Variants in SLC39A11 observed in about 807,000 individuals in gnomAD.
SLC39A11 encodes the protein solute carrier family 39 member 11.
Under a neutral mutation model 36.1 loss-of-function variants are expected in SLC39A11, and 33 were observed. The observed-to-expected ratio is 0.91, with a 90% confidence interval of 0.69 to 1.22. SLC39A11 has a LOEUF of 1.22. SLC39A11 is among the 50% of genes most tolerant of loss of function. The probability of loss-of-function intolerance (pLI) is 0.00; values close to 1 mark genes in which losing one functional copy is unlikely to be tolerated. For missense variants in SLC39A11, 432 were observed against 430.3 expected, an observed-to-expected ratio of 1.00 and a Z score of -0.03; for synonymous variants, 166 against 170.3, an observed-to-expected ratio of 0.97 and a Z score of 0.20.
chr17:72,837,933 C>G, intron 6 of SLC39A11: 1 of 1,229,036 alleles, frequency 8.1e-7, no homozygotes, highest in Non-Finnish European at 1.0e-6. Context: ...TCTTTTTTTC[C>G]TCAGAGGTAC....
chr17:72,805,882 G>T (rs144790654), intron 6 of SLC39A11, among the ~76,000 whole-genome samples: 5,785 of 151,818 alleles, frequency 0.038, 331 homozygotes, highest in African/African-American at 0.13. Flanking sequence ...CTAAGTATCT[G>T]GGACTACAGG....
At chr17:73,019,341 C>T (rs1427626315) in intron 4 of SLC39A11, among the ~76,000 whole-genome samples, 2 of 151,920 alleles carry the variant, frequency 1.3e-5, no homozygotes, top group African/African-American at 2.4e-5. Flanking sequence ...TAAAGACAAC[C>T]GATTGTTAAA....
chr17:72,995,258 T>C (rs192358459), intron 4 of SLC39A11, among the ~76,000 whole-genome samples: 15 of 152,266 alleles, frequency 9.9e-5, no homozygotes, highest in East Asian at 3.9e-4. Context: ...TTCATCCAAA[T>C]AGATGTGCAA....
intron 6 of SLC39A11, among the ~76,000 whole-genome samples, chr17:72,800,726 A>T (rs2077056785): frequency 6.6e-6 from 1 of 152,176 alleles, no homozygotes. Context: ...TAAACTAAGG[A>T]GAGAGGCAGA....
intron 3 of SLC39A11, among the ~76,000 whole-genome samples, chr17:73,059,282 T>G (rs1286481427): frequency 6.6e-6 from 1 of 152,242 alleles, no homozygotes; most frequent in African/African-American, 2.4e-5. Context: ...TGTTAGTATA[T>G]AACAGTTTAA....
intron 6 of SLC39A11, among the ~76,000 whole-genome samples, chr17:72,814,787 T>C (rs1046264421): frequency 5.9e-5 from 9 of 152,240 alleles, no homozygotes; most frequent in African/African-American, 2.2e-4. Flanking sequence ...TGCCCATCCC[T>C]GTGTATATTT....
chr17:72,891,951 C>T (rs2081766717), intron 5 of SLC39A11, among the ~76,000 whole-genome samples: 1 of 152,116 alleles, frequency 6.6e-6, no homozygotes, highest in South Asian at 2.1e-4. Context: ...GCCTCAGGGC[C>T]TAGCACAGTG....
At chr17:72,906,438 C>T (rs144564734) in intron 5 of SLC39A11, among the ~76,000 whole-genome samples, 51 of 152,216 alleles carry the variant, frequency 3.4e-4, no homozygotes, top group Non-Finnish European at 2.4e-4. Flanking sequence ...AAAACCAGAA[C>T]GGGGCTTGGC....
At chr17:73,074,065 G>A (rs1248591240) in intron 3 of SLC39A11, among the ~76,000 whole-genome samples, 1 of 150,962 alleles carries the variant, frequency 6.6e-6, no homozygotes, top group Non-Finnish European at 1.5e-5. Context: ...AAAAAAGGTA[G>A]CAGCAATTAT....
At chr17:72,759,985 T>C (rs1020470635) in intron 6 of SLC39A11, among the ~76,000 whole-genome samples, 1 of 152,116 alleles carries the variant, frequency 6.6e-6, no homozygotes, top group African/African-American at 2.4e-5. Flanking sequence ...CATGGAATCT[T>C]GTTTGTTTTT....
chr17:72,959,339 A>G lies in SLC39A11; in HGVS notation c.307-11464T>C, dbSNP rs1375167702. 1.4e-3 allele frequency among the ~76,000 whole-genome samples: 189 copies of G among 130,960 alleles called. 2 individuals carry two copies. Among genetic ancestry groups the G allele is most frequent in the African/African-American group, 4.9e-3 (159 of 32,486 alleles). 85.9% of individuals were successfully genotyped at this position (130,960 alleles called of 152,430 possible). ...TGTGTGTGTGTGTATATATATATAT[A>G]TATATATATATATATATATATATAT... On this transcript the variant is annotated intron_variant, in intron 4 of 9. Coordinates refer to ENST00000255559, the MANE Select transcript of SLC39A11 (RefSeq NM_139177.4).
At chr17:72,942,735 G>T (rs1426462785) in intron 5 of SLC39A11, among the ~76,000 whole-genome samples, 3 of 152,174 alleles carry the variant, frequency 2.0e-5, no homozygotes, top group Non-Finnish European at 2.9e-5. Flanking sequence ...AAGGAAACTT[G>T]GGAGTGGAAT....
At chr17:73,019,028 T>G (rs1178734307) in intron 4 of SLC39A11, among the ~76,000 whole-genome samples, 3 of 152,184 alleles carry the variant, frequency 2.0e-5, no homozygotes, top group Admixed American at 6.5e-5. Context: ...TAGAATCTCA[T>G]CTTCAACGTC....
intron 7 of SLC39A11, among the ~76,000 whole-genome samples, chr17:72,722,806 T>C (rs1422353691): frequency 6.6e-6 from 1 of 152,054 alleles, no homozygotes; most frequent in Non-Finnish European, 1.5e-5. Context: ...GGCTAATTTT[T>C]GTATTTTTTA....
intron 6 of SLC39A11, among the ~76,000 whole-genome samples, chr17:72,821,029 G>T (rs1400908882): frequency 6.6e-6 from 1 of 151,094 alleles, no homozygotes; most frequent in Non-Finnish European, 1.5e-5. Context: ...AGGATGGAGG[G>T]TGTTGCAGAT....
At chr17:72,702,708 G>GGGTGGATCACTTGA (rs1486989030) in intron 7 of SLC39A11, among the ~76,000 whole-genome samples, 3 of 151,906 alleles carry the variant, frequency 2.0e-5, no homozygotes, top group Non-Finnish European at 4.4e-5. Flanking sequence ...AGGCTGAGGC[G>GGGTGGATCACTTGA]GGTGGATCAC....
intron 5 of SLC39A11, among the ~76,000 whole-genome samples, chr17:72,851,263 C>T (rs551598115): frequency 1.3e-5 from 2 of 152,274 alleles, no homozygotes; most frequent in African/African-American, 4.8e-5. Flanking sequence ...TTCTAAATAT[C>T]CATGGTCCCC....
intron 6 of SLC39A11, among the ~76,000 whole-genome samples, chr17:72,791,056 G>A (rs979381832): frequency 6.6e-6 from 1 of 152,190 alleles, no homozygotes; most frequent in Non-Finnish European, 1.5e-5. Context: ...GCATTGCCTA[G>A]AGACTTAGAA....
chr17:73,077,752 C>T (rs191732313), intron 3 of SLC39A11, among the ~76,000 whole-genome samples: 1 of 152,266 alleles, frequency 6.6e-6, no homozygotes, highest in African/African-American at 2.4e-5. Context: ...GCTCCTCATT[C>T]GTGATAACAC....
Sources: allele counts gnomAD v4.1 joint callset (sites outside exome capture counted in the v4.1 genomes callset), GRCh38; gene constraint gnomAD v4.1.1; transcripts MANE v1.5; gene names NCBI Gene and HGNC (gene_info 2026-07-23, HGNC 2026-07-21).